Variants in SYNE2 observed in about 807,000 individuals in gnomAD.
The protein encoded by SYNE2 is spectrin repeat containing nuclear envelope protein 2, also known as nesprin-2.
In SYNE2, 431 loss-of-function variants were observed where a neutral mutation model predicts 856.3. That is an observed-to-expected ratio of 0.50 (90% CI 0.47 to 0.55). The LOEUF is 0.55. Among genes scored for constraint, SYNE2 ranks in the 20% least tolerant of loss-of-function variants. The pLI, the probability that SYNE2 is intolerant of heterozygous loss-of-function variation, is 0.00. For missense variants in SYNE2, 8,129 were observed against 8,023.2 expected, an observed-to-expected ratio of 1.01 and a Z score of -0.50; for synonymous variants, 2,923 against 2,872.3, an observed-to-expected ratio of 1.02 and a Z score of -0.56.
chr14:64,122,584 G>A, intron 70 of SYNE2, 157 bp downstream of exon 70: 1 of 932,104 alleles, frequency 1.1e-6, no homozygotes, highest in East Asian at 2.6e-5. Context: ...CCTGCATTAG[G>A]AACCCTTCCT....
chr14:63,788,292 CCTGCACCTGGGAGGGCAGCTGCAG>C (rs1318495193), intron 1 of SYNE2, among the ~76,000 whole-genome samples: 1 of 152,142 alleles, frequency 6.6e-6, no homozygotes, highest in Non-Finnish European at 1.5e-5. Flanking sequence ...CTGCCTGGGT[CCTGCACCTGGGAGGGCAGCTGCAG>C]CTGCAGCTGC....
intron 6 of SYNE2, 150 bp from the exon 7 acceptor site, chr14:63,949,675 T>A: frequency 1.2e-6 from 1 of 811,084 alleles, no homozygotes; most frequent in South Asian, 1.5e-5. Context: ...CAGATGCTGT[T>A]ATTCAAGGAT....
intron 1 of SYNE2, among the ~76,000 whole-genome samples, chr14:63,894,500 T>A (rs1336483011): frequency 6.6e-6 from 1 of 152,030 alleles, no homozygotes; most frequent in Non-Finnish European, 1.5e-5. Context: ...GGATTGCAGG[T>A]GTGAGCCACT....
intron 1 of SYNE2, among the ~76,000 whole-genome samples, chr14:63,772,606 G>A (rs942098685): frequency 2.0e-4 from 30 of 151,808 alleles, no homozygotes; most frequent in Admixed American, 1.2e-3. Flanking sequence ...AGCTGAGTGC[G>A]GTGGTGTGCA....
chr14:64,147,067 T>C (rs1225011074), intron 84 of SYNE2, among the ~76,000 whole-genome samples: 2 of 152,144 alleles, frequency 1.3e-5, no homozygotes, highest in African/African-American at 4.8e-5. Context: ...AGTCATGTGC[T>C]TCCTTACTGG....
At chr14:63,856,747 G>T (rs1891846176) in intron 1 of SYNE2, among the ~76,000 whole-genome samples, 1 of 152,004 alleles carries the variant, frequency 6.6e-6, no homozygotes, top group Admixed American at 6.6e-5. Context: ...TCAAATAAAA[G>T]ATTATGTCTG....
intron 43 of SYNE2, among the ~76,000 whole-genome samples, chr14:64,029,228 G>C (rs979156294): frequency 1.7e-4 from 26 of 152,196 alleles, no homozygotes; most frequent in African/African-American, 6.3e-4. Flanking sequence ...TACACTGAAA[G>C]CCAGATTCCA....
At chr14:63,777,968 G>A (rs989927261) in intron 1 of SYNE2, among the ~76,000 whole-genome samples, 4 of 152,060 alleles carry the variant, frequency 2.6e-5, no homozygotes, top group African/African-American at 7.2e-5. Context: ...ATGCCTGACC[G>A]AGAGTAGATC....
intron 65 of SYNE2, 45 bp downstream of exon 65, chr14:64,107,652 T>C (rs1267143886): frequency 6.9e-7 from 1 of 1,450,130 alleles, no homozygotes; most frequent in Non-Finnish European, 9.7e-7. Flanking sequence ...ATAGCTGGAC[T>C]AGCACCTAGA....
rs2097606755 is a variant in SYNE2 at position 64,090,911 on chromosome 14, A to G, written c.11839A>G (p.Ile3947Val). 5 of 1,614,066 alleles carry G rather than the reference A, an allele frequency of 3.1e-6. No individual in the cohort carries two copies. The South Asian group carries it at 3.3e-5, about 11-fold the overall frequency. The part of the protein sequence containing the change: ...IRPMKKTIAE[I>V]VSYQVELRLP... Reference sequence around the variant, plus strand: ...TCCCATGAAGAAAACCATTGCTGAGATAGTGTCTTACCAAGTGGAACTGAG... The same window carrying G: ...TCCCATGAAGAAAACCATTGCTGAGGTAGTGTCTTACCAAGTGGAACTGAG... The change falls in exon 60 of 116, where the codon ATA (isoleucine) becomes GTA (valine). Residue 3947 changes from isoleucine (I) to valine (V), a missense_variant. By Grantham distance (29) the Ile-to-Val change is conservative. Around this residue, in one of 3 missense-constraint regions of SYNE2, gnomAD observed 5,410 missense variants for 5,284.8 expected, o/e 1.02. Transcript: ENST00000555002.
intron 51 of SYNE2, among the ~76,000 whole-genome samples, chr14:64,066,544 A>G (rs924341540): frequency 6.6e-6 from 1 of 152,224 alleles, no homozygotes; most frequent in Non-Finnish European, 1.5e-5. Flanking sequence ...TTATCTTAGG[A>G]TGAAATGCTT....
At chr14:64,075,835 A>G in intron 53 of SYNE2, 110 bp from the exon 54 acceptor site, 3 of 1,236,052 alleles carry the variant, frequency 2.4e-6, no homozygotes, top group Non-Finnish European at 3.5e-6. Context: ...TTTGTCATGC[A>G]AACTGCACTC....
At chr14:64,179,378 C>T (rs2098448220) in intron 96 of SYNE2, among the ~76,000 whole-genome samples, 1 of 152,090 alleles carries the variant, frequency 6.6e-6, no homozygotes, top group Non-Finnish European at 1.5e-5. Context: ...GGGCCTCAAG[C>T]GATCCACCTG....
At chr14:64,037,459 G>T (rs2097100773) in intron 45 of SYNE2, among the ~76,000 whole-genome samples, 1 of 152,148 alleles carries the variant, frequency 6.6e-6, no homozygotes. Context: ...TAAGGTCACA[G>T]ATCTACAGGA....
rs1489394775 is a variant in SYNE2, at chr14:64,159,558, A to G, written c.16094+116A>G. 10 of 1,231,640 alleles carry G rather than the reference A, an allele frequency of 8.1e-6. No homozygotes were observed. The East Asian group carries it at 2.5e-4, about 31-fold the overall frequency. 76.3% of individuals were successfully genotyped at this position (1,231,640 alleles called of 1,614,324 possible). The stretch of plus-strand genomic sequence containing the variant: ...CCTCCTCTGAGATGACTGGTTTCCT[A>G]CTGTTCTGGTCTCTTCTGCTTTGAT... On this transcript the variant is annotated intron_variant, in intron 87 of 115. Transcript: ENST00000555002.
In SYNE2 at chr14:64,214,350, G is replaced by C. The variant is rs760575138; in HGVS notation, c.19213G>C (p.Gly6405Arg). 6.2e-7 allele frequency: 1 copy of C among 1,614,126 alleles called. No individual in the cohort carries two copies. ...HLVAPGHERS[G>R]CETPVSVDSI... ...AGTGGCCCCAGGGCACGAGCGGTCT[G>C]GCTGCGAGACCCCTGTCAGCGTGGA... Residue 6405 changes from glycine to arginine, a missense_variant, in exon 106 of 116, where the codon GGC (glycine) becomes CGC (arginine). Gly to Arg is a moderately radical substitution (Grantham distance 125). Coordinates refer to ENST00000555002, the MANE Select transcript of SYNE2 (RefSeq NM_182914.3).
At chr14:64,153,903 A>G (rs906053712) in intron 85 of SYNE2, among the ~76,000 whole-genome samples, 9 of 152,354 alleles carry the variant, frequency 5.9e-5, no homozygotes, top group Admixed American at 1.3e-4. Flanking sequence ...ATTTTCAACA[A>G]GGATCCTCAG....
intron 80 of SYNE2, among the ~76,000 whole-genome samples, 166 bp from the exon 81 acceptor site, chr14:64,141,175 A>G (rs1039576220): frequency 1.3e-5 from 2 of 151,944 alleles, no homozygotes; most frequent in African/African-American, 4.8e-5. Context: ...TTTGTTCCCC[A>G]TCGTGTATGT....
intron 64 of SYNE2, among the ~76,000 whole-genome samples, chr14:64,105,961 G>A (rs2097768228): frequency 6.6e-6 from 1 of 150,938 alleles, no homozygotes; most frequent in South Asian, 2.1e-4. Context: ...GAGGTGGGAG[G>A]ATCACTTGAG....
Sources: gnomAD v4.1 joint callset for allele counts (sites outside exome capture counted in the v4.1 genomes callset) on GRCh38, gnomAD v4.1.1 for gene constraint, gnomAD v4.1.1 regional missense constraint, MANE v1.5 for transcripts, NCBI Gene and HGNC (gene_info 2026-07-23, HGNC 2026-07-21) for gene names.